ARHGAP17: variants seen among roughly 807,000 people sequenced by gnomAD.
ARHGAP17 encodes the protein Rho GTPase activating protein 17.
In ARHGAP17, 57 loss-of-function variants were observed where a neutral mutation model predicts 99.5. The ratio of observed to expected loss-of-function variants is 0.57; its 90% CI spans 0.46 to 0.71. ARHGAP17 has a LOEUF of 0.71. Ranked by LOEUF, ARHGAP17 falls within the 30% of genes least tolerant of loss-of-function variation. The pLI, the probability that ARHGAP17 is intolerant of heterozygous loss-of-function variation, is 0.00. For missense variants in ARHGAP17, 1,000 were observed against 1,122.4 expected, an observed-to-expected ratio of 0.89 and a Z score of 1.56; for synonymous variants, 417 against 429.6, an observed-to-expected ratio of 0.97 and a Z score of 0.36.
chr16:25,006,005 T>A (rs1344646253), intron 1 of ARHGAP17, among the ~76,000 whole-genome samples: 1 of 152,098 alleles, frequency 6.6e-6, no homozygotes, highest in Non-Finnish European at 1.5e-5. Context: ...GAATTCATCA[T>A]GAAAAAGTAA....
intron 10 of ARHGAP17, among the ~76,000 whole-genome samples, chr16:24,953,453 G>C (rs1322747166): frequency 2.0e-5 from 3 of 152,100 alleles, no homozygotes; most frequent in Non-Finnish European, 4.4e-5. Context: ...CATGGGGGTG[G>C]ATTTCCCTTT....
At chr16:24,995,619 A>G (rs1433395329) in intron 1 of ARHGAP17, among the ~76,000 whole-genome samples, 1 of 152,200 alleles carries the variant, frequency 6.6e-6, no homozygotes, top group Non-Finnish European at 1.5e-5. Flanking sequence ...ACTGAGTAGG[A>G]GCCAGCGGCA....
chr16:24,924,078 A>T (rs1174324699), intron 19 of ARHGAP17, among the ~76,000 whole-genome samples: 1 of 152,230 alleles, frequency 6.6e-6, no homozygotes, highest in Non-Finnish European at 1.5e-5. Flanking sequence ...TAAGTGGTGC[A>T]GGCACAACTG....
rs1407038383 is a variant in ARHGAP17 at position 24,920,068 on chromosome 16, T to C, written c.*62A>G. On this transcript the variant is annotated 3_prime_UTR_variant, in exon 20 of 20. Coordinates refer to ENST00000289968, the MANE Select transcript of ARHGAP17 (RefSeq NM_001006634.3). Reference sequence around the variant, plus strand: ...ACTGTTCGGTCTGCAAAGAAAGAGGTTCGCCTGCCCCTGCTCCACTCGCCA... The same window carrying C: ...ACTGTTCGGTCTGCAAAGAAAGAGGCTCGCCTGCCCCTGCTCCACTCGCCA... 22 of 1,583,096 alleles carry C rather than the reference T, an allele frequency of 1.4e-5. No homozygotes were observed. The highest frequency in any genetic ancestry group is 1.7e-5 in the Non-Finnish European group (20 of 1,160,736).
At chr16:24,968,625 T>C in intron 5 of ARHGAP17, 36 bp downstream of exon 5, 8 of 1,607,578 alleles carry the variant, frequency 5.0e-6, no homozygotes, top group Non-Finnish European at 6.8e-6. Context: ...CCCACACCAC[T>C]CTCGGCTCTT....
chr16:25,001,288 T>G (rs570871441), intron 1 of ARHGAP17, among the ~76,000 whole-genome samples: 2 of 152,288 alleles, frequency 1.3e-5, no homozygotes, highest in East Asian at 3.9e-4. Flanking sequence ...CTGGGAAGCA[T>G]ATAAAAGATT....
At chr16:24,946,403 G>A (rs904070839) in intron 14 of ARHGAP17, among the ~76,000 whole-genome samples, 14 of 151,560 alleles carry the variant, frequency 9.2e-5, no homozygotes, top group Non-Finnish European at 1.5e-5. Flanking sequence ...CTGGCTGTAC[G>A]AAACTGTTAA....
At chr16:24,985,188 CCACACA>C (rs57147061) in intron 1 of ARHGAP17, among the ~76,000 whole-genome samples, 1 of 150,268 alleles carries the variant, frequency 6.7e-6, no homozygotes. Flanking sequence ...AAATGCAACC[CCACACA>C]CACACACACA....
Position 24,978,909 on chromosome 16 carries a change from T to C in ARHGAP17, c.93+57A>G. ...AAGCCCACAGGCCTCAATTCTCACA[T>C]AGGAATTTTTTTCCATCCTTTAAAC... On this transcript the variant is annotated intron_variant, in intron 2 of 19. Coordinates refer to ENST00000289968, the MANE Select transcript of ARHGAP17 (RefSeq NM_001006634.3). 3.2e-6 allele frequency: 4 copies of C among 1,234,784 alleles called. No individual in the cohort carries two copies. The South Asian group carries it at 5.9e-5, about 18-fold the overall frequency. 76.5% of individuals were successfully genotyped at this position (1,234,784 alleles called of 1,614,324 possible).
At chr16:24,929,201 C>A (rs993979180) in intron 19 of ARHGAP17, among the ~76,000 whole-genome samples, 1 of 150,338 alleles carries the variant, frequency 6.7e-6, no homozygotes, top group Admixed American at 6.7e-5. Flanking sequence ...CTCTGTCATG[C>A]AGGCTGGACT....
At chr16:24,950,530 A>G (rs941466186) in intron 12 of ARHGAP17, among the ~76,000 whole-genome samples, 1 of 152,156 alleles carries the variant, frequency 6.6e-6, no homozygotes, top group African/African-American at 2.4e-5. Flanking sequence ...TCATTCCACA[A>G]TTACAGAGAA....
At chr16:24,925,477 C>T (rs919920917) in intron 19 of ARHGAP17, among the ~76,000 whole-genome samples, 2 of 152,178 alleles carry the variant, frequency 1.3e-5, no homozygotes, top group African/African-American at 4.8e-5. Flanking sequence ...TTATCAGGAA[C>T]TGATGATTTC....
rs142695290 is a variant in ARHGAP17, at chr16:24,965,193, G to A, written c.462-885C>T. On this transcript the variant is annotated intron_variant, in intron 6 of 19. Transcript: ENST00000289968. ...TGCAGCAAGAAAACCCACGTTGGCC[G>A]GGTGCGTTGGCTCACGCCTGTAATC... Among the ~76,000 whole-genome samples, 391 of 152,238 alleles carry A rather than the reference G, an allele frequency of 2.6e-3. 1 individual carries two copies. Among genetic ancestry groups the A allele is most frequent in the African/African-American group, 9.1e-3 (379 of 41,546 alleles).
chr16:25,015,215 A>C lies in ARHGAP17; in HGVS notation c.47T>G (p.Val16Gly). ...NRMKQLANQT[V>G]GRAEKTEVLS... ...TGCTGCCCGGCGCACTCGCCTGCCC[A>C]CGGTCTGGTTAGCCAGCTGCTTCAT... The change falls in exon 1 of 20, where the codon GTG becomes GGG. Residue 16 changes from valine to glycine, a missense_variant. This residue lies in a region of ARHGAP17 where 472 missense variants were observed against 611.1 expected (regional missense o/e 0.77). Coordinates refer to ENST00000289968, the MANE Select transcript of ARHGAP17 (RefSeq NM_001006634.3). 1 of 1,339,514 alleles carries C rather than the reference A, an allele frequency of 7.5e-7. No homozygotes were observed. Among genetic ancestry groups the C allele is most frequent in the African/African-American group, 1.6e-5 (1 of 64,186 alleles). The allele number at this position is 1,339,514 out of a possible 1,614,324, so 83.0% of individuals were successfully genotyped here. A position where few individuals can be genotyped will look rare whatever the true frequency, so the allele number is the denominator to read the frequency against.
At chr16:24,987,308 A>G (rs576305794) in intron 1 of ARHGAP17, among the ~76,000 whole-genome samples, 1 of 152,300 alleles carries the variant, frequency 6.6e-6, no homozygotes, top group South Asian at 2.1e-4. Context: ...AATGTTTTCA[A>G]GTATTTAAAA....
At chr16:24,962,470 C>T (rs1485929792) in intron 7 of ARHGAP17, among the ~76,000 whole-genome samples, 1 of 152,168 alleles carries the variant, frequency 6.6e-6, no homozygotes, top group Non-Finnish European at 1.5e-5. Context: ...AGAGATTTCA[C>T]AAAACATAGG....
At chr16:24,982,924 A>G (rs1385600283) in intron 1 of ARHGAP17, among the ~76,000 whole-genome samples, 1 of 145,856 alleles carries the variant, frequency 6.9e-6, no homozygotes, top group Non-Finnish European at 1.5e-5. Context: ...AAAAAACAGT[A>G]GACAAAGTGA....
intron 18 of ARHGAP17, among the ~76,000 whole-genome samples, chr16:24,932,128 G>C (rs948700327): frequency 1.3e-5 from 2 of 151,654 alleles, no homozygotes; most frequent in African/African-American, 2.4e-5. Flanking sequence ...AAAAAAGTTG[G>C]GGGGGATGGG....
rs773253049 is a variant in ARHGAP17 at position 24,939,355 on chromosome 16, C to T, written c.1724+9G>A. On this transcript the variant is annotated intron_variant, in intron 17 of 19. Transcript: ENST00000289968. ...AGCCTCCACTGCCAGCAGAAGTCAG[C>T]CTCCTTACCTGCCGTCGCCTGGGCT... The T allele has an allele frequency of 3.1e-6, 5 of 1,589,464 alleles. No individual in the cohort carries two copies. Among genetic ancestry groups the T allele is most frequent in the South Asian group, 1.1e-5 (1 of 87,430 alleles).
Sources: allele counts gnomAD v4.1 joint callset (sites outside exome capture counted in the v4.1 genomes callset), GRCh38; gene constraint gnomAD v4.1.1; regional missense constraint gnomAD v4.1.1; transcripts MANE v1.5; gene names NCBI Gene and HGNC (gene_info 2026-07-23, HGNC 2026-07-21).